Variants in IFNGR2 observed in about 807,000 individuals in gnomAD.
IFNGR2 encodes the protein IFN-gamma receptor 2.
In IFNGR2, 15 loss-of-function variants were observed where a neutral mutation model predicts 41.1. The ratio of observed to expected loss-of-function variants is 0.37; its 90% confidence interval spans 0.24 to 0.56. The LOEUF is 0.56. Ranked by LOEUF, IFNGR2 falls within the 20% of genes least tolerant of loss-of-function variation. IFNGR2 has a pLI of 0.81. For synonymous variants in IFNGR2, 161 were observed against 171.6 expected, an observed-to-expected ratio of 0.94 and a Z score of 0.48; for missense variants, 362 against 415.7, an observed-to-expected ratio of 0.87 and a Z score of 1.12.
At chr21:33,430,904 A>G (rs1451288611) in intron 4 of IFNGR2, among the ~76,000 whole-genome samples, 2 of 152,196 alleles carry the variant, frequency 1.3e-5, no homozygotes, top group African/African-American at 4.8e-5. Flanking sequence ...TTGTATCTCA[A>G]AATTAGAAAA....
At chr21:33,421,335 A>C in intron 2 of IFNGR2, 145 bp from the exon 3 acceptor site, 2 of 587,234 alleles carry the variant, frequency 3.4e-6, no homozygotes, top group East Asian at 6.0e-5. Flanking sequence ...CCATCTCAAA[A>C]AAAAAAAAAA....
intron 1 of IFNGR2, among the ~76,000 whole-genome samples, chr21:33,409,859 G>A (rs556165933): frequency 7.9e-5 from 12 of 152,234 alleles, no homozygotes; most frequent in African/African-American, 2.9e-4. Flanking sequence ...AATTTTGACA[G>A]TTGAGCCAAA....
chr21:33,436,160 C>A (rs1439628987), intron 6 of IFNGR2, among the ~76,000 whole-genome samples: 1 of 65,084 alleles, frequency 1.5e-5, no homozygotes, highest in Non-Finnish European at 2.9e-5. Context: ...GAGTTCGAGA[C>A]AGCCTGACCA....
intron 2 of IFNGR2, 142 bp downstream of exon 2, chr21:33,415,162 A>G: frequency 9.1e-7 from 1 of 1,103,676 alleles, no homozygotes. Context: ...AGCTTGTAAA[A>G]TCTCTGAGGA....
Position 33,436,936 on chromosome 21 carries a change from CAAG to C in IFNGR2, c.993_995del (p.Glu331del), listed in dbSNP as rs760530034. On this transcript the variant is annotated inframe_deletion, in exon 7 of 7. Transcript: ENST00000290219. ...CATTATCTCGTTTCCGGAAAAGGAG[CAAG>C]AAGATGTTCTCCAAACGCTTTGAAC... The C allele has an allele frequency of 1.7e-5, 27 of 1,613,818 alleles. No individual in the cohort carries two copies. In the South Asian group the frequency reaches 1.8e-4, roughly 10 times the overall value.
chr21:33,404,838 C>G (rs1444021433), intron 1 of IFNGR2, among the ~76,000 whole-genome samples: 1 of 152,146 alleles, frequency 6.6e-6, no homozygotes, highest in Admixed American at 6.5e-5. Context: ...ACATAAAAAC[C>G]AAAAGAAACC....
At chr21:33,430,598 C>T (rs752833596) in intron 4 of IFNGR2, among the ~76,000 whole-genome samples, 1 of 152,084 alleles carries the variant, frequency 6.6e-6, no homozygotes, top group Non-Finnish European at 1.5e-5. Context: ...CATGCACCAC[C>T]ATGACCAGCT....
At chr21:33,405,025 G>C (rs773775064) in intron 1 of IFNGR2, among the ~76,000 whole-genome samples, 2 of 151,632 alleles carry the variant, frequency 1.3e-5, no homozygotes, top group East Asian at 3.9e-4. Flanking sequence ...AGGCCGAGGC[G>C]GGAGAATCAC....
chr21:33,426,801 A>G (rs2083840204), intron 3 of IFNGR2, 83 bp from the exon 4 acceptor site: 1 of 831,294 alleles, frequency 1.2e-6, no homozygotes, highest in African/African-American at 1.7e-5. Context: ...ATACATATAT[A>G]TATAGCATTA....
chr21:33,419,926 C>A (rs766386527), intron 2 of IFNGR2, among the ~76,000 whole-genome samples: 2 of 152,030 alleles, frequency 1.3e-5, no homozygotes, highest in African/African-American at 2.4e-5. Context: ...AGGAGCGGGG[C>A]GGTTAGAGGG....
chr21:33,435,992 C>T (rs2083944076), intron 6 of IFNGR2, among the ~76,000 whole-genome samples: 1 of 150,856 alleles, frequency 6.6e-6, no homozygotes, highest in African/African-American at 2.4e-5. Flanking sequence ...ACCCAGGAGG[C>T]GGAAGTTGCA....
intron 3 of IFNGR2, among the ~76,000 whole-genome samples, chr21:33,425,900 G>A (rs917239806): frequency 2.6e-5 from 4 of 152,220 alleles, no homozygotes; most frequent in Non-Finnish European, 5.9e-5. Flanking sequence ...TTGTCTCCTT[G>A]TGTAAAATGT....
At chr21:33,419,182 T>C (rs1392490667) in intron 2 of IFNGR2, among the ~76,000 whole-genome samples, 2 of 152,188 alleles carry the variant, frequency 1.3e-5, no homozygotes, top group South Asian at 2.1e-4. Context: ...CTCAGCTCAC[T>C]GAAACCTCCG....
chr21:33,410,445 G>A (rs1319153226), intron 1 of IFNGR2, among the ~76,000 whole-genome samples: 3 of 150,890 alleles, frequency 2.0e-5, no homozygotes, highest in Admixed American at 6.6e-5. Context: ...GATTACAGGC[G>A]TGAGCCACTG....
chr21:33,418,653 AT>A (rs2083770101), intron 2 of IFNGR2, among the ~76,000 whole-genome samples: 1 of 152,192 alleles, frequency 6.6e-6, no homozygotes, highest in Non-Finnish European at 1.5e-5. Context: ...CAAGACCAAA[AT>A]TACATGGAGC....
intron 2 of IFNGR2, among the ~76,000 whole-genome samples, chr21:33,415,299 G>A (rs1370161850): frequency 2.6e-5 from 4 of 152,190 alleles, no homozygotes; most frequent in Admixed American, 1.3e-4. Context: ...TCAGGAGAAA[G>A]GTTGTAAAAA....
At chr21:33,423,035 ACTTTTT>A (rs2083806860) in intron 3 of IFNGR2, among the ~76,000 whole-genome samples, 2 of 118,146 alleles carry the variant, frequency 1.7e-5, no homozygotes, top group Non-Finnish European at 3.7e-5. Context: ...TCTTCCCTCT[ACTTTTT>A]TTTTTTTTTT....
intron 1 of IFNGR2, among the ~76,000 whole-genome samples, chr21:33,413,321 A>G (rs1346897118): frequency 6.6e-6 from 1 of 152,112 alleles, no homozygotes; most frequent in Non-Finnish European, 1.5e-5. Context: ...TGTCAGGAGA[A>G]GTGTTGTTAG....
intron 4 of IFNGR2, among the ~76,000 whole-genome samples, chr21:33,428,565 A>G (rs8130924): frequency 0.77 from 117,519 of 152,004 alleles, 45,952 homozygotes; most frequent in East Asian, 0.98. Flanking sequence ...AACTGGGAAG[A>G]GTGAGACTCA....
Sources: gnomAD v4.1 joint callset for allele counts (sites outside exome capture counted in the v4.1 genomes callset) on GRCh38, gnomAD v4.1.1 for gene constraint, MANE v1.5 for transcripts, NCBI Gene and HGNC (gene_info 2026-07-23, HGNC 2026-07-21) for gene names.